The following AQP7B variants were observed in gnomAD, a reference collection of about 807,000 sequenced individuals.
AQP7B encodes putative aquaporin-7B.
At chr2:94,593,532 C>G in the AQP7B span, among the ~76,000 whole-genome samples, 2 of 143,258 alleles carry the variant, frequency 1.4e-5, no homozygotes, top group Admixed American at 1.5e-4. Context: ...GTTGCCCAGG[C>G]TGGAGTGCAG....
chr2:94,603,206 C>A, the AQP7B span: 6 of 1,452,276 alleles, frequency 4.1e-6, no homozygotes, highest in Non-Finnish European at 5.7e-6. Flanking sequence ...CCACCTCTGG[C>A]CTCAGCCGCC....
the AQP7B span, chr2:94,603,935 GCCC>G: frequency 8.0e-7 from 1 of 1,251,824 alleles, no homozygotes; most frequent in Non-Finnish European, 1.1e-6. Context: ...TTCAGGTACT[GCCC>G]CTGCCCAGGC....
the AQP7B span, among the ~76,000 whole-genome samples, chr2:94,592,382 C>T: frequency 5.8e-4 from 88 of 152,316 alleles, no homozygotes; most frequent in African/African-American, 1.9e-3. Flanking sequence ...CCATCCCAGT[C>T]CTTGCTGTAT....
At chr2:94,603,756 G>T in the AQP7B span, 2 of 1,521,852 alleles carry the variant, frequency 1.3e-6, no homozygotes, top group East Asian at 2.3e-5. Context: ...TCACCATCAC[G>T]GACCAGGAGA....
the AQP7B span, chr2:94,604,329 T>G: frequency 6.2e-6 from 10 of 1,610,602 alleles, no homozygotes; most frequent in Non-Finnish European, 8.5e-6. Flanking sequence ...GTGGCACCAC[T>G]TCTGGGTGCC....
chr2:94,596,312 C>T, the AQP7B span, among the ~76,000 whole-genome samples: 1 of 152,222 alleles, frequency 6.6e-6, no homozygotes. Context: ...CCCCAGTGAG[C>T]CTCTGCCCTT....
the AQP7B span, chr2:94,594,832 C>A: frequency 4.5e-3 from 7,046 of 1,557,228 alleles, 29 homozygotes; most frequent in Non-Finnish European, 5.3e-3. Flanking sequence ...GAAGATGGTG[C>A]GAGAGTTCTT....
At chr2:94,601,140 G>C in the AQP7B span, among the ~76,000 whole-genome samples, 1 of 152,236 alleles carries the variant, frequency 6.6e-6, no homozygotes, top group Non-Finnish European at 1.5e-5. Context: ...ATCTGGCACA[G>C]GTAACTGCCT....
At chr2:94,604,310 G>A in the AQP7B span, 2 of 1,607,684 alleles carry the variant, frequency 1.2e-6, no homozygotes, top group Non-Finnish European at 1.7e-6. Context: ...CTGGTGGTGG[G>A]TGCCAGTGGT....
At chr2:94,601,217 C>T in the AQP7B span, among the ~76,000 whole-genome samples, 2 of 152,326 alleles carry the variant, frequency 1.3e-5, no homozygotes, top group East Asian at 3.9e-4. Context: ...GTTCTCTAAG[C>T]TTCAGATTAC....
chr2:94,594,872 T>C, the AQP7B span: 3 of 1,510,304 alleles, frequency 2.0e-6, no homozygotes, highest in Non-Finnish European at 2.8e-6. Context: ...TATGTCATGA[T>C]GGTGAGTGGG....
chr2:94,600,256 G>A, the AQP7B span, among the ~76,000 whole-genome samples: 3 of 151,878 alleles, frequency 2.0e-5, no homozygotes, highest in Admixed American at 2.0e-4. Flanking sequence ...AATTCTTCAG[G>A]TTTTTTCCTT....
chr2:94,601,508 G>C, the AQP7B span, among the ~76,000 whole-genome samples: 1 of 152,162 alleles, frequency 6.6e-6, no homozygotes, highest in African/African-American at 2.4e-5. Flanking sequence ...AAAGACCTTT[G>C]GAAAATCAGG....
chr2:94,603,443 G>A, the AQP7B span: 22 of 1,611,402 alleles, frequency 1.4e-5, no homozygotes, highest in South Asian at 2.2e-5. Context: ...GCTACAGCTG[G>A]CATTTTTGCC....
chr2:94,603,647 C>T, the AQP7B span: 1 of 1,308,280 alleles, frequency 7.6e-7, no homozygotes, highest in Admixed American at 2.5e-5. Context: ...TGGGTCTGGG[C>T]CACTGCCGAT....
the AQP7B span, chr2:94,604,493 A>G: frequency 6.2e-7 from 1 of 1,610,628 alleles, no homozygotes; most frequent in Non-Finnish European, 8.5e-7. Context: ...CCTCACCCTC[A>G]TCTCCGTGAG....
At chr2:94,593,043 G>A in the AQP7B span, among the ~76,000 whole-genome samples, 4 of 151,782 alleles carry the variant, frequency 2.6e-5, no homozygotes, top group African/African-American at 7.3e-5. Context: ...GCCCAGGCTG[G>A]TCTTGAACTC....
At chr2:94,589,608 C>T in the AQP7B span, among the ~76,000 whole-genome samples, 2 of 152,188 alleles carry the variant, frequency 1.3e-5, no homozygotes, top group African/African-American at 4.8e-5. Flanking sequence ...TCCACACAAG[C>T]AGGGATATTT....
At chr2:94,600,722 A>C in the AQP7B span, among the ~76,000 whole-genome samples, 7 of 152,176 alleles carry the variant, frequency 4.6e-5, no homozygotes, top group Admixed American at 1.3e-4. Context: ...TACTAAAAAT[A>C]CAAAAAAATA....
Sources: gnomAD v4.1 joint callset for allele counts (sites outside exome capture counted in the v4.1 genomes callset) on GRCh38, gnomAD v4.1.1 for gene constraint, MANE v1.5 for transcripts, NCBI Gene and HGNC (gene_info 2026-07-23, HGNC 2026-07-21) for gene names.